Variants in PATJ observed in about 807,000 individuals in gnomAD.
PATJ encodes the protein PATJ crumbs cell polarity complex component.
A neutral mutation model predicts 224.9 loss-of-function variants in PATJ; 190 were observed. The observed-to-expected ratio is 0.84, with a 90% CI of 0.75 to 0.95. The LOEUF is 0.95. PATJ is among the 40% of genes least tolerant of loss of function. The pLI is 0.00. For missense variants in PATJ, 2,121 were observed against 2,270.3 expected, an observed-to-expected ratio of 0.93 and a Z score of 1.34; for synonymous variants, 769 against 820.3, an observed-to-expected ratio of 0.94 and a Z score of 1.07.
intron 28 of PATJ, among the ~76,000 whole-genome samples, chr1:62,014,794 T>G (rs182437996): frequency 1.6e-3 from 237 of 152,130 alleles, no homozygotes; most frequent in African/African-American, 5.4e-3. Context: ...CTTGAACTCC[T>G]GAGCTCAGGC....
chr1:62,128,298 C>T (rs1056236324), intron 40 of PATJ: 1 of 522,058 alleles, frequency 1.9e-6, no homozygotes, highest in Non-Finnish European at 3.3e-6. Flanking sequence ...TGTATCAAAG[C>T]TTCTCCATAA....
At chr1:61,793,706 G>C (rs1039663783) in intron 9 of PATJ, among the ~76,000 whole-genome samples, 1 of 145,530 alleles carries the variant, frequency 6.9e-6, no homozygotes, top group African/African-American at 2.5e-5. Flanking sequence ...CTGGGCAACA[G>C]AGCCAGATCC....
intron 11 of PATJ, among the ~76,000 whole-genome samples, chr1:61,799,486 C>T (rs539811100): frequency 6.2e-4 from 95 of 152,228 alleles, no homozygotes; most frequent in African/African-American, 1.1e-3. Flanking sequence ...TGATCCACCA[C>T]GCCTGGCACA....
At chr1:61,982,068 G>T (rs1310501818) in intron 27 of PATJ, among the ~76,000 whole-genome samples, 1 of 152,032 alleles carries the variant, frequency 6.6e-6, no homozygotes, top group East Asian at 1.9e-4. Context: ...AGGGAGGGAG[G>T]TCAGAGAGTG....
At chr1:62,106,140 GTA>G (rs1172785910) in intron 33 of PATJ, among the ~76,000 whole-genome samples, 1,191 of 56,522 alleles carry the variant, frequency 0.021, 84 homozygotes, top group African/African-American at 0.061. Flanking sequence ...ATATACATGT[GTA>G]TATGTGTGTG....
intron 31 of PATJ, among the ~76,000 whole-genome samples, chr1:62,074,590 C>T (rs1570459950): frequency 6.6e-6 from 1 of 152,124 alleles, no homozygotes; most frequent in East Asian, 1.9e-4. Flanking sequence ...TGAGCTACTG[C>T]ATCTGGCCAA....
intron 17 of PATJ, among the ~76,000 whole-genome samples, chr1:61,837,758 C>T (rs576249804): frequency 6.1e-5 from 9 of 148,330 alleles, no homozygotes; most frequent in South Asian, 4.3e-4. Context: ...CCACTGCACT[C>T]CAGCCTGGGA....
intron 6 of PATJ, 51 bp downstream of exon 6, chr1:61,771,677 G>A (rs766969383): frequency 7.8e-6 from 10 of 1,289,596 alleles, no homozygotes; most frequent in Admixed American, 2.6e-5. Flanking sequence ...GCCATTGATC[G>A]TAAGAAGTGT....
At position 62,117,459 on chromosome 1, in the gene PATJ, A is replaced by G. The variant is rs77720860; in HGVS notation, c.4890+241A>G. 1.2e-3 allele frequency: 1,562 copies of G among 1,327,956 alleles called. 21 individuals carry two copies. In the African/African-American group the frequency reaches 0.021, roughly 18 times the overall value. The allele number at this position is 1,327,956 out of a possible 1,614,324, so 82.3% of individuals were successfully genotyped here. ...TTTTCTTGGAAGCTCTTTTCTCTCTATTAGTTCTATATTGCCTATGCACGC... is the reference window on the plus strand; with the variant it reads ...TTTTCTTGGAAGCTCTTTTCTCTCTGTTAGTTCTATATTGCCTATGCACGC... On this transcript the variant is annotated intron_variant, in intron 37 of 43. Transcript: ENST00000642238.
At chr1:62,146,017 C>T (rs982351210) in intron 41 of PATJ, among the ~76,000 whole-genome samples, 49 of 151,826 alleles carry the variant, frequency 3.2e-4, no homozygotes, top group Admixed American at 1.3e-3. Context: ...AACCAGGAAG[C>T]GGGGAAGGGG....
At chr1:62,104,314 T>G (rs1207965909) in intron 33 of PATJ, among the ~76,000 whole-genome samples, 1 of 152,194 alleles carries the variant, frequency 6.6e-6, no homozygotes, top group East Asian at 1.9e-4. Context: ...ATTCCATCTA[T>G]TCACAAAGTA....
chr1:61,938,261 G>C (rs1249317510), intron 27 of PATJ, among the ~76,000 whole-genome samples: 1 of 152,100 alleles, frequency 6.6e-6, no homozygotes, highest in African/African-American at 2.4e-5. Flanking sequence ...TGATTGGTTG[G>C]GGTATCAAGG....
In PATJ at chr1:61,861,598, T is replaced by G. The variant is rs200304499; in HGVS notation, c.2370T>G (p.Asn790Lys). The G allele has an allele frequency of 2.7e-6, 4 of 1,501,394 alleles. No homozygotes were observed. Among genetic ancestry groups the G allele is most frequent in the Admixed American group, 2.3e-5 (1 of 43,034 alleles). 93.0% of individuals were successfully genotyped at this position (1,501,394 alleles called of 1,614,324 possible). ...GTTATATTTTACATTCAAGCAGTAA[T>G]GAAGACAAGACTGAATTTTCAGGAA... ...ESCYILHSSS[N>K]EDKTEFSGTI... Residue 790 changes from asparagine to lysine, a missense_variant, in exon 19 of 44, where the codon AAT (asparagine) becomes AAG (lysine). Transcript: ENST00000642238.
intron 1 of PATJ, among the ~76,000 whole-genome samples, chr1:61,761,668 C>T (rs1645978259): frequency 5.9e-5 from 9 of 151,566 alleles, no homozygotes; most frequent in Admixed American, 5.9e-4. Flanking sequence ...TCATATTCCT[C>T]TGGGTGTTCC....
chr1:62,100,974 T>C (rs1662083315), intron 33 of PATJ, among the ~76,000 whole-genome samples: 1 of 152,156 alleles, frequency 6.6e-6, no homozygotes, highest in Non-Finnish European at 1.5e-5. Context: ...TTGTAGAATT[T>C]CATGAAACAA....
At chr1:61,849,566 C>T (rs886379688) in intron 17 of PATJ, among the ~76,000 whole-genome samples, 1 of 152,152 alleles carries the variant, frequency 6.6e-6, no homozygotes, top group Non-Finnish European at 1.5e-5. Flanking sequence ...GCACTCAAGC[C>T]TGGGCGACAG....
chr1:61,887,391 C>T (rs1359541502), intron 22 of PATJ, among the ~76,000 whole-genome samples: 5 of 152,032 alleles, frequency 3.3e-5, no homozygotes, highest in Admixed American at 1.3e-4. Context: ...TCTGTCACTT[C>T]GGGAGAAGAT....
At chr1:61,753,773 G>A (rs995225174) in intron 1 of PATJ, among the ~76,000 whole-genome samples, 13 of 151,804 alleles carry the variant, frequency 8.6e-5, no homozygotes, top group Non-Finnish European at 1.8e-4. Flanking sequence ...GCCTCCCAAA[G>A]TGCTGAGATT....
Position 61,771,645 on chromosome 1 carries a change from A to AAAATACTT in PATJ, c.720+22_720+29dup. 6.6e-7 allele frequency: 1 copy of AAAATACTT among 1,524,320 alleles called. No homozygotes were observed. Among genetic ancestry groups the AAAATACTT allele is most frequent in the Non-Finnish European group, 8.9e-7 (1 of 1,129,410 alleles). 94.4% of individuals were successfully genotyped at this position (1,524,320 alleles called of 1,614,324 possible). On this transcript the variant is annotated intron_variant, in intron 6 of 43. Coordinates refer to ENST00000642238, the MANE Select transcript of PATJ (RefSeq NM_001350145.3). ...TGAAACAGTGAGTTGCAAATTTGAA[A>AAAATACTT]AAATACTTAATTTTGAATAATGCCA...
Sources: allele counts gnomAD v4.1 joint callset (sites outside exome capture counted in the v4.1 genomes callset), GRCh38; gene constraint gnomAD v4.1.1; transcripts MANE v1.5; gene names NCBI Gene and HGNC (gene_info 2026-07-23, HGNC 2026-07-21).